DTD1: variants seen among roughly 807,000 people sequenced by gnomAD.
The protein encoded by DTD1 is D-aminoacyl-tRNA deacylase 1, also known as D-tyrosyl-tRNA deacylase 1 homolog.
Under a neutral mutation model 25.6 loss-of-function variants are expected in DTD1, and 13 were observed. The observed-to-expected ratio is 0.51, with a 90% CI of 0.33 to 0.81. The LOEUF (loss-of-function observed/expected upper bound fraction) is 0.81. Ranked by LOEUF, DTD1 falls within the 30% of genes least tolerant of loss-of-function variation. The probability of loss-of-function intolerance (pLI) is 0.02; values close to 1 mark genes in which losing one functional copy is unlikely to be tolerated. For missense variants in DTD1, 193 were observed against 266.4 expected (o/e 0.72, Z 1.92); for synonymous variants, 110 against 103.6 (o/e 1.06, Z -0.37).
At chr20:18,719,147 A>G (rs559904135) in intron 4 of DTD1, among the ~76,000 whole-genome samples, 1 of 152,338 alleles carries the variant, frequency 6.6e-6, no homozygotes, top group East Asian at 1.9e-4. Flanking sequence ...AGTGCACTGA[A>G]TGCTTATTAC....
At chr20:18,714,854 C>T (rs916563097) in intron 4 of DTD1, among the ~76,000 whole-genome samples, 2 of 152,184 alleles carry the variant, frequency 1.3e-5, no homozygotes, top group African/African-American at 4.8e-5. Flanking sequence ...ACCTTCAGTA[C>T]CCCAAGGAGA....
At chr20:18,617,262 G>A (rs1600321424) in intron 3 of DTD1, among the ~76,000 whole-genome samples, 1 of 151,274 alleles carries the variant, frequency 6.6e-6, no homozygotes, top group Admixed American at 6.6e-5. Context: ...TTCAGCAGGA[G>A]GAATGGGAAG....
intron 4 of DTD1, among the ~76,000 whole-genome samples, chr20:18,729,623 G>T (rs552337766): frequency 6.6e-6 from 1 of 152,350 alleles, no homozygotes; most frequent in African/African-American, 2.4e-5. Context: ...GCAAAGCCAT[G>T]ACTAAAAATG....
chr20:18,589,544 A>G (rs980963611), intron 1 of DTD1, among the ~76,000 whole-genome samples: 5 of 152,196 alleles, frequency 3.3e-5, no homozygotes, highest in Non-Finnish European at 7.4e-5. Flanking sequence ...ATAATAGGGA[A>G]TAGAGTAGCA....
chr20:18,652,170 G>A (rs867507760), intron 4 of DTD1, among the ~76,000 whole-genome samples: 1 of 152,244 alleles, frequency 6.6e-6, no homozygotes, highest in Non-Finnish European at 1.5e-5. Flanking sequence ...GGGGCAGCAT[G>A]CAGGCACTGA....
intron 4 of DTD1, among the ~76,000 whole-genome samples, chr20:18,693,863 G>T (rs2061059363): frequency 2.0e-5 from 3 of 152,118 alleles, no homozygotes. Context: ...TAGAAATTAG[G>T]AGTTAGATCT....
intron 4 of DTD1, among the ~76,000 whole-genome samples, chr20:18,696,624 G>A (rs6136473): frequency 0.36 from 54,883 of 151,804 alleles, 10,233 homozygotes; most frequent in Non-Finnish European, 0.41. Flanking sequence ...GCACGATCTC[G>A]GCTCATTGCA....
At chr20:18,647,534 G>T (rs1371591141) in intron 4 of DTD1, among the ~76,000 whole-genome samples, 1 of 152,160 alleles carries the variant, frequency 6.6e-6, no homozygotes, top group Non-Finnish European at 1.5e-5. Context: ...GGGTCTGAAA[G>T]CTTGGGGCAA....
Position 18,588,100 on chromosome 20 carries a change from C to A in DTD1, c.28C>A (p.Arg10=). Residue 10 remains arginine (R), a synonymous_variant, in exon 1 of 6, where the codon CGG becomes AGG. Coordinates refer to ENST00000377452, the MANE Select transcript of DTD1 (RefSeq NM_080820.6). MKAVVQRVT[R]ASVTVGGEQI... ...GAAGGCCGTGGTGCAGCGCGTCACCCGGGCCAGCGTCACAGGTCAGTCGGG... is the reference window on the plus strand; with the variant it reads ...GAAGGCCGTGGTGCAGCGCGTCACCAGGGCCAGCGTCACAGGTCAGTCGGG... 1 of 1,326,706 alleles carries A rather than the reference C, an allele frequency of 7.5e-7. No individual in the cohort carries two copies. 82.2% of individuals were successfully genotyped at this position (1,326,706 alleles called of 1,614,324 possible).
intron 4 of DTD1, among the ~76,000 whole-genome samples, chr20:18,644,594 G>A (rs2060843748): frequency 1.3e-5 from 2 of 152,192 alleles, no homozygotes; most frequent in Admixed American, 1.3e-4. Flanking sequence ...AAATGAAACA[G>A]GAGGAGGAAT....
At chr20:18,639,703 C>T (rs1490826064) in intron 4 of DTD1, among the ~76,000 whole-genome samples, 3 of 152,142 alleles carry the variant, frequency 2.0e-5, no homozygotes, top group Non-Finnish European at 2.9e-5. Flanking sequence ...AAAATATATT[C>T]GTTTGACTAT....
rs571535325 is a variant in DTD1 at position 18,618,492 on chromosome 20, C to T, written c.371-9635C>T. On this transcript the variant is annotated intron_variant, in intron 3 of 5. Coordinates refer to ENST00000377452, the MANE Select transcript of DTD1 (RefSeq NM_080820.6). ...ACCTCAGCCTCCTGAGTAGCTGGGGCCACAGGCATGTTCCACCATTCCCAG... is the reference window on the plus strand; with the variant it reads ...ACCTCAGCCTCCTGAGTAGCTGGGGTCACAGGCATGTTCCACCATTCCCAG... Among the ~76,000 whole-genome samples the T allele has an allele frequency of 1.1e-3, 166 of 149,686 alleles. 1 individual carries two copies. Among genetic ancestry groups the T allele is most frequent in the African/African-American group, 3.9e-3 (158 of 40,718 alleles).
intron 3 of DTD1, among the ~76,000 whole-genome samples, chr20:18,625,331 A>G (rs115466087): frequency 0.03 from 4,577 of 152,336 alleles, 232 homozygotes; most frequent in African/African-American, 0.1. Context: ...TTTCACCACC[A>G]AGTCACTTAG....
chr20:18,725,852 T>C (rs986678268), intron 4 of DTD1, among the ~76,000 whole-genome samples: 5 of 152,244 alleles, frequency 3.3e-5, no homozygotes, highest in African/African-American at 1.2e-4. Context: ...CATCAGTGTT[T>C]TCTTTCATTC....
chr20:18,748,283 G>A (rs766843482), intron 5 of DTD1, among the ~76,000 whole-genome samples: 5 of 151,912 alleles, frequency 3.3e-5, no homozygotes, highest in Non-Finnish European at 5.9e-5. Context: ...ATTCCTTCCT[G>A]GGTTGTATTA....
In DTD1 at chr20:18,764,918, CTG is replaced by C. The variant is rs1345472626; in HGVS notation, c.*1580_*1581del. On this transcript the variant is annotated 3_prime_UTR_variant, in exon 6 of 6. Transcript: ENST00000377452. ...TTGTAGGGTTTGGCTTGCTGGATAA[CTG>C]TCATGTTTCTCCACCACAGCATTTT... 1.3e-5 allele frequency: 2 copies of C among 152,234 alleles called. No homozygotes were observed. 9.4% of individuals were successfully genotyped at this position (152,234 alleles called of 1,614,324 possible). A position where few individuals can be genotyped will look rare whatever the true frequency, so the allele number is the denominator to read the frequency against.
At chr20:18,595,841 A>G (rs2060608765) in intron 2 of DTD1, among the ~76,000 whole-genome samples, 165 bp from the exon 3 acceptor site, 1 of 152,150 alleles carries the variant, frequency 6.6e-6, no homozygotes, top group Non-Finnish European at 1.5e-5. Context: ...AGGACACTGA[A>G]GCACAGGGTG....
rs2060954851 is a variant in DTD1, at chr20:18,672,590, A to C, written c.477+44357A>C. ...AGTTTCCAAAATGATATCCTAACTC[A>C]GTATTTTGAAGAATTTTAGCTTCAG... is the stretch of plus-strand genomic sequence containing the variant. On this transcript the variant is annotated intron_variant, in intron 4 of 5. Coordinates refer to ENST00000377452, the MANE Select transcript of DTD1 (RefSeq NM_080820.6). Among the ~76,000 whole-genome samples the C allele has an allele frequency of 2.0e-5, 3 of 152,236 alleles. No individual in the cohort carries two copies. In the South Asian group the frequency reaches 6.2e-4, roughly 31 times the overall value.
rs555206531 is a variant in DTD1 at position 18,703,965 on chromosome 20, G to C, written c.478-40135G>C. 1.4e-3 allele frequency among the ~76,000 whole-genome samples: 207 copies of C among 150,802 alleles called. 2 individuals are homozygous for C. The highest frequency in any genetic ancestry group is 3.5e-3 in the Middle Eastern group (1 of 288). On this transcript the variant is annotated intron_variant, in intron 4 of 5. Coordinates refer to ENST00000377452, the MANE Select transcript of DTD1 (RefSeq NM_080820.6). ...TGTTCATATTAAGAACACTGGCCAGGGTAGATTAACATAAGTAATCATAAG... is the reference window on the plus strand; with the variant it reads ...TGTTCATATTAAGAACACTGGCCAGCGTAGATTAACATAAGTAATCATAAG...
Sources: allele counts gnomAD v4.1 joint callset (sites outside exome capture counted in the v4.1 genomes callset), GRCh38; gene constraint gnomAD v4.1.1; transcripts MANE v1.5; gene names NCBI Gene and HGNC (gene_info 2026-07-23, HGNC 2026-07-21).